NR5A2: variants seen among roughly 807,000 people sequenced by gnomAD.
NR5A2 encodes the protein nuclear receptor subfamily 5 group A member 2.
Under a neutral mutation model 62.7 loss-of-function variants are expected in NR5A2, and 26 were observed. The observed-to-expected ratio is 0.41, with a 90% CI of 0.30 to 0.58. The LOEUF (loss-of-function observed/expected upper bound fraction) is 0.58. Among genes scored for constraint, NR5A2 ranks in the 20% least tolerant of loss-of-function variants. The pLI is 0.22. For synonymous variants in NR5A2, 246 were observed against 241.7 expected (o/e 1.02, Z -0.16); for missense variants, 541 against 669.1 (o/e 0.81, Z 2.11).
chr1:200,090,107 T>C (rs1347081666), intron 5 of NR5A2, among the ~76,000 whole-genome samples: 2 of 152,220 alleles, frequency 1.3e-5, no homozygotes, highest in Non-Finnish European at 2.9e-5. Flanking sequence ...TTTCTGTTAG[T>C]TATATGTCTA....
rs1306304944 is a variant in NR5A2, at chr1:200,048,134, A to G, written c.464-38A>G. 6.5e-7 allele frequency: 1 copy of G among 1,540,110 alleles called. No homozygotes were observed. On this transcript the variant is annotated intron_variant, in intron 4 of 7. Transcript: ENST00000367362. The surrounding 1 kb of genome is among the most constrained non-coding windows in gnomAD (Gnocchi z 4.8). ...AATGCTAATAATTTGCACCTTATTTATACCTTTCCTTCCTTCCCCCCACCC... is the reference window on the plus strand; with the variant it reads ...AATGCTAATAATTTGCACCTTATTTGTACCTTTCCTTCCTTCCCCCCACCC...
At position 200,063,197 on chromosome 1, in the gene NR5A2, T is replaced by G. The variant is rs12097235; in HGVS notation, c.1110+14379T>G. Reference sequence around the variant, plus strand: ...TGCCACCACACCCAGCTAATTTTTGTTTTTTTTTAGTGGAGACAGTGTTTC... The same window carrying G: ...TGCCACCACACCCAGCTAATTTTTGGTTTTTTTTAGTGGAGACAGTGTTTC... On this transcript the variant is annotated intron_variant, in intron 5 of 7. Coordinates refer to ENST00000367362, the MANE Select transcript of NR5A2 (RefSeq NM_205860.3). Among the ~76,000 whole-genome samples, 5 of 138,456 alleles carry G rather than the reference T, an allele frequency of 3.6e-5. No homozygotes were observed. The South Asian group carries it at 6.3e-4, about 17-fold the overall frequency. 90.8% of individuals were successfully genotyped at this position (138,456 alleles called of 152,430 possible). A position where few individuals can be genotyped will look rare whatever the true frequency, so the allele number is the denominator to read the frequency against.
intron 5 of NR5A2, among the ~76,000 whole-genome samples, chr1:200,064,557 A>T (rs181814989): frequency 1.1e-4 from 16 of 152,318 alleles, no homozygotes; most frequent in Non-Finnish European, 1.2e-4. Flanking sequence ...ACAGGTGAGC[A>T]GCTCATTTAT....
At chr1:200,036,378 G>T (rs1163643281) in intron 1 of NR5A2, among the ~76,000 whole-genome samples, 1 of 152,156 alleles carries the variant, frequency 6.6e-6, no homozygotes, top group Non-Finnish European at 1.5e-5. Flanking sequence ...TTCAACAGGG[G>T]TCCCTTGCCC....
In NR5A2 at chr1:200,045,432, C is replaced by A; in HGVS notation, c.322-11C>A. 2 of 1,564,736 alleles carry A rather than the reference C, an allele frequency of 1.3e-6. No individual in the cohort carries two copies. Among genetic ancestry groups the A allele is most frequent in the South Asian group, 2.4e-5 (2 of 83,038 alleles). Reference sequence around the variant, plus strand: ...TTTATAATACGTCTCACTATTTTCTCTGTCTTATAGGGATTTTTTAAGCGA... The same window carrying A: ...TTTATAATACGTCTCACTATTTTCTATGTCTTATAGGGATTTTTTAAGCGA... On this transcript the variant is annotated splice_polypyrimidine_tract_variant and intron_variant, in intron 3 of 7. Coordinates refer to ENST00000367362, the MANE Select transcript of NR5A2 (RefSeq NM_205860.3).
chr1:200,053,729 G>A (rs981313482), intron 5 of NR5A2, among the ~76,000 whole-genome samples: 1 of 152,140 alleles, frequency 6.6e-6, no homozygotes, highest in African/African-American at 2.4e-5. Context: ...AATAATCAGT[G>A]AGACAGATTT....
chr1:200,155,870 C>T (rs12138457), intron 7 of NR5A2, among the ~76,000 whole-genome samples: 18,320 of 151,978 alleles, frequency 0.12, 1,857 homozygotes, highest in African/African-American at 0.27. Context: ...GACGGGGTTC[C>T]GCCATGTTGG....
chr1:200,035,365 T>G (rs1661730418), intron 1 of NR5A2, among the ~76,000 whole-genome samples: 1 of 152,018 alleles, frequency 6.6e-6, no homozygotes, highest in Non-Finnish European at 1.5e-5. Context: ...GAAAGATGTG[T>G]CTGCCACACC....
At chr1:200,063,464 C>T (rs1028127114) in intron 5 of NR5A2, among the ~76,000 whole-genome samples, 3 of 152,166 alleles carry the variant, frequency 2.0e-5, no homozygotes, top group Non-Finnish European at 4.4e-5. Context: ...GGCCTAAAAG[C>T]ATTACTATGT....
chr1:200,081,674 C>T (rs1571439345), intron 5 of NR5A2, among the ~76,000 whole-genome samples: 1 of 152,030 alleles, frequency 6.6e-6, no homozygotes, highest in Non-Finnish European at 1.5e-5. Flanking sequence ...TACACATAGT[C>T]GCTTATTGTT....
In NR5A2 at chr1:200,142,881, C is replaced by T. The variant is rs369772022; in HGVS notation, c.1378+21926C>T. Reference sequence around the variant, plus strand: ...CTTTCTTTTTAGATGAATAATATCTCTATTTCTCTCTTAAACACCTCAAGC... The same window carrying T: ...CTTTCTTTTTAGATGAATAATATCTTTATTTCTCTCTTAAACACCTCAAGC... On this transcript the variant is annotated intron_variant, in intron 7 of 7. Transcript: ENST00000367362. 2.9e-3 allele frequency among the ~76,000 whole-genome samples: 448 copies of T among 152,030 alleles called. 2 individuals are homozygous for T. Among genetic ancestry groups the T allele is most frequent in the Non-Finnish European group, 4.6e-3 (312 of 68,006 alleles).
In NR5A2 at chr1:200,174,166, T is replaced by C. The variant is rs781167513; in HGVS notation, c.1582T>C (p.Tyr528His). ...YYKHLNGDVP[Y>H]NNLLIEMLHA... Reference sequence around the variant, plus strand: ...CAAGCACCTGAACGGGGATGTGCCCTATAATAACCTTCTCATTGAAATGTT... The same window carrying C: ...CAAGCACCTGAACGGGGATGTGCCCCATAATAACCTTCTCATTGAAATGTT... Residue 528 changes from tyrosine to histidine, a missense_variant, in exon 8 of 8, where the codon TAT becomes CAT. By Grantham distance (83) the Tyr-to-His change is moderately conservative (BLOSUM62 2). Around this residue, in one of 3 missense-constraint regions of NR5A2, gnomAD observed 379 missense variants for 442.0 expected, o/e 0.86. Coordinates refer to ENST00000367362, the MANE Select transcript of NR5A2 (RefSeq NM_205860.3). The C allele has an allele frequency of 1.2e-6, 2 of 1,611,636 alleles. No homozygotes were observed. The highest frequency in any genetic ancestry group is 1.1e-5 in the South Asian group (1 of 90,736).
In NR5A2 at chr1:200,027,817, A is replaced by G; in HGVS notation, c.-31A>G. 6.5e-7 allele frequency: 1 copy of G among 1,548,386 alleles called. No homozygotes were observed. Among genetic ancestry groups the G allele is most frequent in the Non-Finnish European group, 8.8e-7 (1 of 1,135,992 alleles). ...CTTTTGCTCAATGATTTCTGCTTTAAGCCAAAGAACTGCCTATAATTTCAC... is the reference window on the plus strand; with the variant it reads ...CTTTTGCTCAATGATTTCTGCTTTAGGCCAAAGAACTGCCTATAATTTCAC... On this transcript the variant is annotated 5_prime_UTR_variant, in exon 1 of 8. Transcript: ENST00000367362.
intron 7 of NR5A2, among the ~76,000 whole-genome samples, chr1:200,172,673 C>T (rs2690036): frequency 0.39 from 59,674 of 152,010 alleles, 11,829 homozygotes; most frequent in South Asian, 0.48. Flanking sequence ...ACTTCAACAG[C>T]GAATGTATGA....
chr1:200,138,970 A>C (rs1381537229), intron 7 of NR5A2, among the ~76,000 whole-genome samples: 1 of 152,138 alleles, frequency 6.6e-6, no homozygotes, highest in African/African-American at 2.4e-5. Context: ...GTAAAATTGC[A>C]TTGTATTTAG....
rs148218561 is a variant in NR5A2 at position 200,096,711 on chromosome 1, A to T, written c.1111-14491A>T. Among the ~76,000 whole-genome samples the T allele has an allele frequency of 6.2e-3, 939 of 152,366 alleles. 10 individuals are homozygous for T. The highest frequency in any genetic ancestry group is 0.022 in the African/African-American group (897 of 41,582). On this transcript the variant is annotated intron_variant, in intron 5 of 7. Transcript: ENST00000367362. Reference sequence around the variant, plus strand: ...ATCGTGCACAGCATAACGATGCTTCATAAATGATGGACTGCATATATGATG... The same window carrying T: ...ATCGTGCACAGCATAACGATGCTTCTTAAATGATGGACTGCATATATGATG...
intron 5 of NR5A2, among the ~76,000 whole-genome samples, chr1:200,073,669 C>T (rs554178216): frequency 5.3e-5 from 8 of 151,850 alleles, no homozygotes; most frequent in African/African-American, 7.2e-5. Context: ...ATCACAGATA[C>T]GTAGGCCCCA....
chr1:200,158,406 T>A (rs1232201856), intron 7 of NR5A2, among the ~76,000 whole-genome samples: 2 of 152,206 alleles, frequency 1.3e-5, no homozygotes, highest in African/African-American at 4.8e-5. Flanking sequence ...TAAAGTATTA[T>A]TCTCAGAGAT....
In NR5A2 at chr1:200,085,479, C is replaced by G. The variant is rs1231820405; in HGVS notation, c.1111-25723C>G. 2.0e-5 allele frequency among the ~76,000 whole-genome samples: 3 copies of G among 152,218 alleles called. No individual in the cohort carries two copies. In the East Asian group the frequency reaches 5.8e-4, roughly 29 times the overall value. ...TCACACTTGGCTTCAAATCCCCTTC[C>G]ATTTGCTTCCCATAAGCTCAGCATG... On this transcript the variant is annotated intron_variant, in intron 5 of 7. Coordinates refer to ENST00000367362, the MANE Select transcript of NR5A2 (RefSeq NM_205860.3).
Sources: allele counts gnomAD v4.1 joint callset (sites outside exome capture counted in the v4.1 genomes callset), GRCh38; gene constraint gnomAD v4.1.1; regional missense constraint gnomAD v4.1.1; non-coding constraint Gnocchi (gnomAD v3.1); transcripts MANE v1.5; gene names NCBI Gene and HGNC (gene_info 2026-07-23, HGNC 2026-07-21).